CFAP299: variants seen among roughly 807,000 people sequenced by gnomAD.
CFAP299 encodes cilia and flagella associated protein 299.
Under a neutral mutation model 27.0 loss-of-function variants are expected in CFAP299, and 21 were observed. That is an observed-to-expected ratio of 0.78 (90% confidence interval 0.55 to 1.12). The LOEUF (loss-of-function observed/expected upper bound fraction) is 1.12. Among genes scored for constraint, CFAP299 ranks in the 50% most tolerant of loss-of-function variants. The pLI is 0.00. For synonymous variants in CFAP299, 104 were observed against 98.1 expected (o/e 1.06, Z -0.36); for missense variants, 310 against 276.6 (o/e 1.12, Z -0.86).
At chr4:80,419,295 C>A (rs1003342480) in intron 2 of CFAP299, among the ~76,000 whole-genome samples, 1 of 152,164 alleles carries the variant, frequency 6.6e-6, no homozygotes, top group African/African-American at 2.4e-5. Context: ...GTTCCTTCTC[C>A]CCTGATTCTT....
chr4:80,698,105 C>T lies in CFAP299; in HGVS notation c.333+114922C>T, dbSNP rs568005996. On this transcript the variant is annotated intron_variant, in intron 3 of 5. Transcript: ENST00000358105. ...AATGATAGCATTGACCTAACACAGACGTCAAATTGAAATTCTGGCTTGTAA... is the reference window on the plus strand; with the variant it reads ...AATGATAGCATTGACCTAACACAGATGTCAAATTGAAATTCTGGCTTGTAA... Among the ~76,000 whole-genome samples the T allele has an allele frequency of 5.9e-5, 9 of 152,232 alleles. No homozygotes were observed. The South Asian group carries it at 1.0e-3, about 18-fold the overall frequency.
At chr4:80,799,109 A>C (rs1213436862) in intron 3 of CFAP299, among the ~76,000 whole-genome samples, 2 of 135,014 alleles carry the variant, frequency 1.5e-5, no homozygotes, top group South Asian at 2.2e-4. Flanking sequence ...ATATATATTT[A>C]TGTAAATATA....
intron 3 of CFAP299, among the ~76,000 whole-genome samples, chr4:80,791,614 T>C (rs921887284): frequency 5.3e-5 from 8 of 152,074 alleles, no homozygotes; most frequent in Admixed American, 3.9e-4. Context: ...ATCTTATTGA[T>C]GCAGAGGGAG....
intron 2 of CFAP299, among the ~76,000 whole-genome samples, chr4:80,572,182 T>C (rs901838566): frequency 2.0e-5 from 3 of 152,130 alleles, no homozygotes; most frequent in Non-Finnish European, 4.4e-5. Context: ...GTAATGAACA[T>C]TCCGATTAAA....
chr4:80,421,261 T>G (rs1727273755), intron 2 of CFAP299, among the ~76,000 whole-genome samples: 2 of 152,210 alleles, frequency 1.3e-5, no homozygotes, highest in African/African-American at 4.8e-5. Context: ...AGTGCCTCTA[T>G]TAGATTACAG....
chr4:80,374,487 T>C (rs1724307663), intron 2 of CFAP299, among the ~76,000 whole-genome samples: 1 of 152,130 alleles, frequency 6.6e-6, no homozygotes, highest in Admixed American at 6.5e-5. Flanking sequence ...GGGGGTTTGC[T>C]AGCTCTTACT....
intron 4 of CFAP299, among the ~76,000 whole-genome samples, chr4:80,888,711 T>G (rs1734093197): frequency 6.6e-6 from 1 of 151,930 alleles, no homozygotes; most frequent in Non-Finnish European, 1.5e-5. Flanking sequence ...GAATAGACCA[T>G]ATGTTAGGTC....
intron 1 of CFAP299, among the ~76,000 whole-genome samples, chr4:80,358,117 G>T (rs1174066392): frequency 6.6e-6 from 1 of 152,064 alleles, no homozygotes; most frequent in Non-Finnish European, 1.5e-5. Context: ...TTCAGGAGCA[G>T]ATTATTCAGT....
chr4:80,382,024 T>A (rs1034277476), intron 2 of CFAP299, among the ~76,000 whole-genome samples: 2 of 152,068 alleles, frequency 1.3e-5, no homozygotes, highest in Admixed American at 1.3e-4. Flanking sequence ...AAAGAAAAGG[T>A]TGAAGAAATG....
At chr4:80,486,167 G>A (rs1285974887) in intron 2 of CFAP299, among the ~76,000 whole-genome samples, 1 of 151,994 alleles carries the variant, frequency 6.6e-6, no homozygotes, top group Admixed American at 6.6e-5. Flanking sequence ...TTGGTTACTT[G>A]GTGTCCACAA....
intron 2 of CFAP299, among the ~76,000 whole-genome samples, chr4:80,395,549 C>T (rs948159319): frequency 6.6e-6 from 1 of 151,950 alleles, no homozygotes; most frequent in Admixed American, 6.6e-5. Flanking sequence ...TTCTTCTATA[C>T]CAAACTTGTT....
intron 2 of CFAP299, among the ~76,000 whole-genome samples, chr4:80,366,451 G>A (rs1723838776): frequency 6.6e-6 from 1 of 152,088 alleles, no homozygotes; most frequent in Non-Finnish European, 1.5e-5. Flanking sequence ...TCAAGAAGAA[G>A]GCAAAAATGC....
At chr4:80,604,035 A>G (rs1737506030) in intron 3 of CFAP299, among the ~76,000 whole-genome samples, 2 of 152,194 alleles carry the variant, frequency 1.3e-5, no homozygotes, top group African/African-American at 4.8e-5. Flanking sequence ...TTAGACTGAA[A>G]TTAAGAGATT....
intron 3 of CFAP299, among the ~76,000 whole-genome samples, chr4:80,680,639 A>G (rs887719279): frequency 2.0e-5 from 3 of 152,182 alleles, no homozygotes; most frequent in South Asian, 4.1e-4. Context: ...AAAAAGAGCA[A>G]CATTCTGATG....
chr4:80,506,535 A>G (rs1732046399), intron 2 of CFAP299, among the ~76,000 whole-genome samples: 1 of 152,186 alleles, frequency 6.6e-6, no homozygotes, highest in East Asian at 1.9e-4. Flanking sequence ...TTTCAGAAAA[A>G]GAAAATTTGG....
At chr4:80,415,378 A>G (rs755301727) in intron 2 of CFAP299, among the ~76,000 whole-genome samples, 9 of 152,360 alleles carry the variant, frequency 5.9e-5, no homozygotes, top group African/African-American at 1.2e-4. Context: ...TACTATTTAC[A>G]TAAAATTCAT....
At chr4:80,343,646 AG>A (rs1475165406) in intron 1 of CFAP299, among the ~76,000 whole-genome samples, 2 of 151,536 alleles carry the variant, frequency 1.3e-5, no homozygotes, top group Non-Finnish European at 2.9e-5. Flanking sequence ...AAAATTAGCC[AG>A]GCGCGGTGGC....
chr4:80,724,114 G>A (rs988727859), intron 3 of CFAP299, among the ~76,000 whole-genome samples: 3 of 152,010 alleles, frequency 2.0e-5, no homozygotes, highest in African/African-American at 7.2e-5. Context: ...AGTTAGAAAT[G>A]TCACTAAAAT....
At chr4:80,618,663 A>T (rs1184464669) in intron 3 of CFAP299, among the ~76,000 whole-genome samples, 1 of 152,104 alleles carries the variant, frequency 6.6e-6, no homozygotes, top group Non-Finnish European at 1.5e-5. Context: ...TTCTCTCTGA[A>T]GGATCTTGCA....
Sources: allele counts gnomAD v4.1 joint callset (sites outside exome capture counted in the v4.1 genomes callset), GRCh38; gene constraint gnomAD v4.1.1; transcripts MANE v1.5; gene names NCBI Gene and HGNC (gene_info 2026-07-23, HGNC 2026-07-21).